AASS: variants seen among roughly 807,000 people sequenced by gnomAD.
The protein encoded by AASS is aminoadipate-semialdehyde synthase.
Under a neutral mutation model 105.4 loss-of-function variants are expected in AASS, and 86 were observed. The observed-to-expected ratio is 0.82, with a 90% CI of 0.69 to 0.98. AASS has a LOEUF of 0.98. Ranked by LOEUF, AASS falls within the 50% of genes least tolerant of loss-of-function variation. The probability of loss-of-function intolerance (pLI) is 0.00; values close to 1 mark genes in which losing one functional copy is unlikely to be tolerated. For missense variants in AASS, 1,048 were observed against 1,143.2 expected, an observed-to-expected ratio of 0.92 and a Z score of 1.20; for synonymous variants, 381 against 394.8, an observed-to-expected ratio of 0.96 and a Z score of 0.41.
At chr7:122,082,829 G>T (rs1793428870) in intron 19 of AASS, 1 of 1,289,370 alleles carries the variant, frequency 7.8e-7, no homozygotes, top group Non-Finnish European at 1.0e-6. Context: ...AGTTAGGGAG[G>T]ATACCATAGG....
chr7:122,143,762 C>G (rs896774877), intron 1 of AASS, among the ~76,000 whole-genome samples: 1 of 152,116 alleles, frequency 6.6e-6, no homozygotes, highest in Admixed American at 6.5e-5. Context: ...CACAAATTAA[C>G]AAGCCGTTGT....
At chr7:122,088,363 C>A (rs1442529883) in intron 18 of AASS, among the ~76,000 whole-genome samples, 1 of 151,920 alleles carries the variant, frequency 6.6e-6, no homozygotes, top group Non-Finnish European at 1.5e-5. Context: ...TACTATGTGC[C>A]CAGTGCCTTG....
rs775714038 is a variant in AASS, at chr7:122,108,429, A to C, written c.1278+4689T>G. Among the ~76,000 whole-genome samples, 116 of 152,138 alleles carry C rather than the reference A, an allele frequency of 7.6e-4. 1 individual carries two copies. The highest frequency in any genetic ancestry group is 1.4e-3 in the Non-Finnish European group (94 of 68,010). ...CATAGATACAAAAATTTTCAACAAA[A>C]TACTAGAAAACCAAATTTAACAGCA... On this transcript the variant is annotated intron_variant, in intron 11 of 23. Coordinates refer to ENST00000417368, the MANE Select transcript of AASS (RefSeq NM_005763.4).
At chr7:122,105,834 C>A (rs1794641787) in intron 11 of AASS, among the ~76,000 whole-genome samples, 1 of 151,860 alleles carries the variant, frequency 6.6e-6, no homozygotes. Context: ...AAAACAGGAA[C>A]AAACTGAACC....
chr7:122,076,708 A>G lies in AASS; in HGVS notation c.2663-101T>C. 1.0e-5 allele frequency: 9 copies of G among 890,054 alleles called. No individual in the cohort carries two copies. In the South Asian group the frequency reaches 1.1e-4, roughly 10 times the overall value. 55.1% of individuals were successfully genotyped at this position (890,054 alleles called of 1,614,324 possible). A position where few individuals can be genotyped will look rare whatever the true frequency, so the allele number is the denominator to read the frequency against. ...AAAGAAGCAAACTCAGAGTCAATGA[A>G]TTCTTGGAGGCCTAGGCATTTTTTA... On this transcript the variant is annotated intron_variant, in intron 23 of 23. Coordinates refer to ENST00000417368, the MANE Select transcript of AASS (RefSeq NM_005763.4).
At chr7:122,109,909 C>T (rs12113399) in intron 11 of AASS, among the ~76,000 whole-genome samples, 33,936 of 151,844 alleles carry the variant, frequency 0.22, 4,032 homozygotes, top group African/African-American at 0.31. Flanking sequence ...GCAAACTATA[C>T]GTCTCACAAG....
At chr7:122,104,441 C>T (rs901781159) in intron 11 of AASS, among the ~76,000 whole-genome samples, 4 of 151,976 alleles carry the variant, frequency 2.6e-5, no homozygotes, top group African/African-American at 9.7e-5. Flanking sequence ...ACTAAAAATA[C>T]AAACATTAGC....
Position 122,092,914 on chromosome 7 carries a change from C to T in AASS, c.1804G>A (p.Gly602Arg). 6.2e-7 allele frequency: 1 copy of T among 1,613,870 alleles called. No homozygotes were observed. The highest frequency in any genetic ancestry group is 8.5e-7 in the Non-Finnish European group (1 of 1,179,890). ...ATGTGATCCAGACCAGGGTCCAATC[C>T]CAATTCACCAATGATTGTGATGCCA... ...DAGITIIGEL[G>R]LDPGLDHMLA... Residue 602 changes from glycine (G) to arginine (R), a missense_variant, in exon 17 of 24, where the codon GGA becomes AGA. By Grantham distance (125) the Gly-to-Arg change is moderately radical (BLOSUM62 -2). Coordinates refer to ENST00000417368, the MANE Select transcript of AASS (RefSeq NM_005763.4).
intron 11 of AASS, among the ~76,000 whole-genome samples, chr7:122,104,563 G>C (rs568652397): frequency 2.6e-5 from 4 of 152,238 alleles, no homozygotes; most frequent in African/African-American, 9.6e-5. Context: ...CACTACACCA[G>C]CCTAGGTGAC....
chr7:122,131,613 A>G (rs147722431), intron 2 of AASS, among the ~76,000 whole-genome samples: 22 of 152,022 alleles, frequency 1.4e-4, no homozygotes, highest in African/African-American at 5.1e-4. Flanking sequence ...TCATGATTAA[A>G]TAATATATAT....
At chr7:122,125,062 A>G (rs972504318) in intron 4 of AASS, among the ~76,000 whole-genome samples, 21 of 152,052 alleles carry the variant, frequency 1.4e-4, no homozygotes, top group Non-Finnish European at 2.9e-4. Context: ...AGCTGGGATT[A>G]TAGACATGCA....
chr7:122,092,757 T>G, intron 17 of AASS, 86 bp downstream of exon 17: 2 of 1,103,112 alleles, frequency 1.8e-6, no homozygotes, highest in Non-Finnish European at 2.8e-6. Flanking sequence ...TGATTAAAGG[T>G]GTTGCTATAT....
In AASS at chr7:122,088,309, A is replaced by G. The variant is rs548192476; in HGVS notation, c.2017-2130T>C. 2.6e-5 allele frequency among the ~76,000 whole-genome samples: 4 copies of G among 152,222 alleles called. No individual in the cohort carries two copies. The South Asian group carries it at 8.3e-4, about 32-fold the overall frequency. On this transcript the variant is annotated intron_variant, in intron 18 of 23. Coordinates refer to ENST00000417368, the MANE Select transcript of AASS (RefSeq NM_005763.4). ...TATTCAAATAATCACAGTAAGCTTG[A>G]TCACTAAACTAATAAGGAAATATAC...
chr7:122,109,657 G>C (rs1009134101), intron 11 of AASS, among the ~76,000 whole-genome samples: 2 of 151,054 alleles, frequency 1.3e-5, no homozygotes, highest in Admixed American at 1.3e-4. Context: ...ACTCAAAATG[G>C]ATTAAACACT....
chr7:122,107,123 A>G (rs1352411370), intron 11 of AASS, among the ~76,000 whole-genome samples: 1 of 152,188 alleles, frequency 6.6e-6, no homozygotes, highest in Non-Finnish European at 1.5e-5. Context: ...GCAGTCAACA[A>G]GCATATGAAA....
At chr7:122,103,700 G>A (rs895507851) in intron 11 of AASS, among the ~76,000 whole-genome samples, 3 of 151,726 alleles carry the variant, frequency 2.0e-5, no homozygotes, top group Non-Finnish European at 4.4e-5. Flanking sequence ...TGAAAATTGT[G>A]ACATCAAAAA....
chr7:122,083,941 T>C (rs939926352), intron 19 of AASS, among the ~76,000 whole-genome samples: 1 of 152,122 alleles, frequency 6.6e-6, no homozygotes, highest in African/African-American at 2.4e-5. Flanking sequence ...CACTGTGATA[T>C]CTTCCATCCT....
intron 3 of AASS, 52 bp downstream of exon 3, chr7:122,129,309 A>G (rs954192491): frequency 1.8e-5 from 23 of 1,260,974 alleles, no homozygotes; most frequent in East Asian, 1.4e-4. Flanking sequence ...GGTTAAAAGT[A>G]AAAAATATTA....
chr7:122,131,287 GT>G (rs1414261100), intron 2 of AASS, among the ~76,000 whole-genome samples: 2 of 150,418 alleles, frequency 1.3e-5, no homozygotes, highest in African/African-American at 4.9e-5. Context: ...ATTCAAATAA[GT>G]TTTTTAATAC....
Sources: gnomAD v4.1 joint callset for allele counts (sites outside exome capture counted in the v4.1 genomes callset) on GRCh38, gnomAD v4.1.1 for gene constraint, MANE v1.5 for transcripts, NCBI Gene and HGNC (gene_info 2026-07-23, HGNC 2026-07-21) for gene names.